Variants in ST14 observed in about 807,000 individuals in gnomAD.
ST14 encodes suppressor of tumorigenicity 14 protein.
ST14 carries 40 observed loss-of-function variants against 96.5 expected under a neutral mutation model. The observed-to-expected ratio is 0.41, with a 90% CI of 0.32 to 0.54. The LOEUF (loss-of-function observed/expected upper bound fraction) is 0.54, where lower values mean the gene tolerates loss of function less well. ST14 is among the 20% of genes least tolerant of loss of function. The probability of loss-of-function intolerance (pLI) is 0.17; values close to 1 mark genes in which losing one functional copy is unlikely to be tolerated. For missense variants in ST14, 1,066 were observed against 1,188.9 expected (o/e 0.90, Z 1.52); for synonymous variants, 506 against 492.1 (o/e 1.03, Z -0.37).
At chr11:130,204,967 C>T (rs1953471404) in intron 16 of ST14, among the ~76,000 whole-genome samples, 1 of 152,052 alleles carries the variant, frequency 6.6e-6, no homozygotes, top group Admixed American at 6.5e-5. Flanking sequence ...AACCTTTTGA[C>T]CTTCCTGAGA....
chr11:130,168,796 T>C (rs979788983), intron 1 of ST14, among the ~76,000 whole-genome samples: 1 of 152,104 alleles, frequency 6.6e-6, no homozygotes, highest in Non-Finnish European at 1.5e-5. Flanking sequence ...GCATAGTTGG[T>C]CCTTTCCCCA....
intron 1 of ST14, among the ~76,000 whole-genome samples, chr11:130,177,357 G>A (rs1047824502): frequency 6.6e-6 from 1 of 151,960 alleles, no homozygotes; most frequent in Non-Finnish European, 1.5e-5. Flanking sequence ...GAGTTCAAGA[G>A]ATCAAGACCA....
chr11:130,194,310 C>T (rs764326661), intron 8 of ST14, 22 bp downstream of exon 8: 18 of 1,613,772 alleles, frequency 1.1e-5, no homozygotes, highest in East Asian at 4.5e-5. Flanking sequence ...CAGGGCAGGG[C>T]GGGACTGCCC....
At chr11:130,173,810 C>A (rs866235433) in intron 1 of ST14, among the ~76,000 whole-genome samples, 1 of 152,076 alleles carries the variant, frequency 6.6e-6, no homozygotes, top group Non-Finnish European at 1.5e-5. Flanking sequence ...TTCTCTGTAA[C>A]CCCTCTGTCC....
chr11:130,192,312 T>C (rs879385969), intron 7 of ST14, among the ~76,000 whole-genome samples: 3 of 152,212 alleles, frequency 2.0e-5, no homozygotes, highest in African/African-American at 4.8e-5. Context: ...AAGTACATGT[T>C]CCCAGTGGGA....
At chr11:130,198,134 G>A (rs1407931763) in intron 12 of ST14, among the ~76,000 whole-genome samples, 174 bp from the exon 13 acceptor site, 1 of 152,190 alleles carries the variant, frequency 6.6e-6, no homozygotes, top group African/African-American at 2.4e-5. Context: ...TGTGGGGCAG[G>A]TGGTGGGGTA....
chr11:130,192,717 C>T (rs911441364), intron 7 of ST14, among the ~76,000 whole-genome samples: 2 of 152,186 alleles, frequency 1.3e-5, no homozygotes, highest in Non-Finnish European at 2.9e-5. Flanking sequence ...ATTTTCCCAG[C>T]CTTTTTTGCT....
rs186698429 is a variant in ST14, at chr11:130,190,945, C to T, written c.875+251C>T. Among the ~76,000 whole-genome samples the T allele has an allele frequency of 3.7e-3, 566 of 152,326 alleles. 3 individuals are homozygous for T. The highest frequency in any genetic ancestry group is 4.8e-3 in the Non-Finnish European group (327 of 68,020). ...CCCCAGATACCAAATCCAGCCTGTG[C>T]GGCCTGTGCCCTGAACCGCCGGAGA... On this transcript the variant is annotated intron_variant, in intron 7 of 18. Coordinates refer to ENST00000278742, the MANE Select transcript of ST14 (RefSeq NM_021978.4).
At chr11:130,205,188 G>A (rs966820920) in intron 16 of ST14, among the ~76,000 whole-genome samples, 5 of 151,926 alleles carry the variant, frequency 3.3e-5, no homozygotes, top group Non-Finnish European at 7.4e-5. Context: ...GTGCAGCAGC[G>A]TGATCTCAGC....
intron 1 of ST14, among the ~76,000 whole-genome samples, chr11:130,164,841 G>A (rs1057000949): frequency 9.2e-5 from 14 of 151,872 alleles, no homozygotes; most frequent in East Asian, 5.8e-4. Flanking sequence ...GGATTCAAGC[G>A]ATTCTCCTGC....
In ST14 at chr11:130,159,892, G is replaced by C; in HGVS notation, c.-88G>C. 2.5e-6 allele frequency: 2 copies of C among 791,188 alleles called. No individual in the cohort carries two copies. Among genetic ancestry groups the C allele is most frequent in the Non-Finnish European group, 3.3e-6 (2 of 598,132 alleles). 49.0% of individuals were successfully genotyped at this position (791,188 alleles called of 1,614,324 possible). A position where few individuals can be genotyped will look rare whatever the true frequency, so the allele number is the denominator to read the frequency against. ...GGGCCTGCCCGGAATCCCGCCGCCT[G>C]CGCCCCGCGCCCCGCGCCCTGCGGG... On this transcript the variant is annotated 5_prime_UTR_variant, in exon 1 of 19. Transcript: ENST00000278742.
intron 1 of ST14, among the ~76,000 whole-genome samples, chr11:130,183,078 C>G (rs1400542501): frequency 6.6e-6 from 1 of 151,786 alleles, no homozygotes; most frequent in Non-Finnish European, 1.5e-5. Flanking sequence ...TGCCTCAGCC[C>G]CCCGAGTAGC....
chr11:130,194,657 C>T lies in ST14; in HGVS notation c.1033C>T (p.Arg345Cys), dbSNP rs747081229. Residue 345 changes from arginine (R) to cysteine (C), a missense_variant, in exon 9 of 19, where the codon CGT becomes TGT. Physicochemically the swap from Arg to Cys is radical, Grantham distance 180. Transcript: ENST00000278742. ...PRMSSCGGRLRKAQGTFNSPY... is the reference protein window; with the variant it reads ...PRMSSCGGRLCKAQGTFNSPY... ...CCTCTCAGGCTGTGGAGGCCGCTTACGTAAAGCCCAGGGGACATTCAACAG... is the reference window on the plus strand; with the variant it reads ...CCTCTCAGGCTGTGGAGGCCGCTTATGTAAAGCCCAGGGGACATTCAACAG... 9.9e-6 allele frequency: 16 copies of T among 1,614,058 alleles called. No homozygotes were observed. Among genetic ancestry groups the T allele is most frequent in the African/African-American group, 5.3e-5 (4 of 74,918 alleles).
Position 130,194,740 on chromosome 11 carries a change from A to AG in ST14, c.1113+5dup, listed in dbSNP as rs1180233026. On this transcript the variant is annotated splice_donor_region_variant and intron_variant, in intron 9 of 18. Transcript: ENST00000278742. ...TTGACTGCACATGGAACATTGAGGTAGGAGCTATGGGGCGTGTGAACGTGT... is the reference window on the plus strand; with the variant it reads ...TTGACTGCACATGGAACATTGAGGTAGGGAGCTATGGGGCGTGTGAACGTGT... 3.1e-6 allele frequency: 5 copies of AG among 1,614,014 alleles called. No homozygotes were observed. The African/African-American group carries it at 5.3e-5, about 17-fold the overall frequency.
At chr11:130,178,331 G>T (rs974654087) in intron 1 of ST14, among the ~76,000 whole-genome samples, 2 of 94,088 alleles carry the variant, frequency 2.1e-5, no homozygotes, top group Non-Finnish European at 3.5e-5. Context: ...TGCTTATCAC[G>T]AATGACAGCA....
chr11:130,171,666 A>G (rs1261440285), intron 1 of ST14, among the ~76,000 whole-genome samples: 3 of 152,102 alleles, frequency 2.0e-5, no homozygotes, highest in African/African-American at 7.2e-5. Context: ...TGCAATTTCA[A>G]TCATAAACAC....
chr11:130,209,588 G>A lies in ST14; in HGVS notation c.2406+10G>A, dbSNP rs1422428977. On this transcript the variant is annotated intron_variant, in intron 18 of 18. Transcript: ENST00000278742. ...CGTGGACTCCTGCCAGGTGGCCCCC[G>A]GGGCAGGAGGGCGGCAGGTGGGCCC... 1.3e-6 allele frequency: 2 copies of A among 1,581,024 alleles called. No individual in the cohort carries two copies. The highest frequency in any genetic ancestry group is 2.3e-5 in the East Asian group (1 of 43,052).
chr11:130,190,307 C>T, intron 6 of ST14, 147 bp from the exon 7 acceptor site: 1 of 1,484,294 alleles, frequency 6.7e-7, no homozygotes, highest in East Asian at 2.3e-5. Context: ...CTGAGAAGCC[C>T]CCTTCCTGAT....
chr11:130,189,705 A>AG (rs769027456), intron 4 of ST14, 34 bp from the exon 5 acceptor site: 2 of 1,605,158 alleles, frequency 1.2e-6, no homozygotes, highest in African/African-American at 1.3e-5. Context: ...AATGGGGCCC[A>AG]GAGCTCCGCC....
Sources: gnomAD v4.1 joint callset for allele counts (sites outside exome capture counted in the v4.1 genomes callset) on GRCh38, gnomAD v4.1.1 for gene constraint, MANE v1.5 for transcripts, NCBI Gene and HGNC (gene_info 2026-07-23, HGNC 2026-07-21) for gene names.